PTBP2: variants seen among roughly 807,000 people sequenced by gnomAD.
The protein encoded by PTBP2 is polypyrimidine tract binding protein 2, also known as polypyrimidine tract-binding protein 2.
PTBP2 carries 13 observed loss-of-function variants against 61.4 expected under a neutral mutation model. The ratio of observed to expected loss-of-function variants is 0.21; its 90% confidence interval spans 0.14 to 0.34. The LOEUF is 0.34. PTBP2 is among the 10% of genes least tolerant of loss of function. The pLI is 1.00. For missense variants in PTBP2, 405 were observed against 642.6 expected (o/e 0.63, Z 4.00); for synonymous variants, 215 against 218.5 (o/e 0.98, Z 0.14).
intron 8 of PTBP2, among the ~76,000 whole-genome samples, chr1:96,798,479 C>A (rs188261002): frequency 6.6e-6 from 1 of 152,094 alleles, no homozygotes; most frequent in East Asian, 1.9e-4. Context: ...GTACACAAGA[C>A]TAATAACTAC....
chr1:96,786,034 T>C (rs1036748008), intron 8 of PTBP2, among the ~76,000 whole-genome samples: 3 of 152,198 alleles, frequency 2.0e-5, no homozygotes, highest in Non-Finnish European at 2.9e-5. Context: ...ATTTCTAGTA[T>C]TGGTAAGATT....
chr1:96,751,195 T>G, intron 2 of PTBP2: 1 of 579,608 alleles, frequency 1.7e-6, no homozygotes, highest in East Asian at 3.3e-5. Flanking sequence ...CTTTTTCTAT[T>G]TATTGTCTTT....
intron 8 of PTBP2, among the ~76,000 whole-genome samples, chr1:96,802,659 CT>C (rs2101176774): frequency 6.6e-6 from 1 of 152,146 alleles, no homozygotes; most frequent in African/African-American, 2.4e-5. Flanking sequence ...GAATTTGAGG[CT>C]TGGTACTGAA....
At chr1:96,769,471 TAAG>T (rs1021479123) in intron 3 of PTBP2, among the ~76,000 whole-genome samples, 5 of 152,022 alleles carry the variant, frequency 3.3e-5, no homozygotes, top group Non-Finnish European at 5.9e-5. Context: ...ATAATACTGT[TAAG>T]AAACATTAAC....
chr1:96,817,127 CTG>C (rs1015369565), downstream of PTBP2: 28 of 152,170 alleles, frequency 1.8e-4, no homozygotes, highest in African/African-American at 6.0e-4. Context: ...TAATTATAGA[CTG>C]CACTTAAGAT....
At chr1:96,775,488 G>A (rs908417597) in intron 5 of PTBP2, among the ~76,000 whole-genome samples, 1 of 152,144 alleles carries the variant, frequency 6.6e-6, no homozygotes, top group African/African-American at 2.4e-5. Context: ...CAAAACATGG[G>A]TAGTGTACAT....
At chr1:96,725,363 G>T (rs760202554) in intron 2 of PTBP2, among the ~76,000 whole-genome samples, 6 of 147,764 alleles carry the variant, frequency 4.1e-5, no homozygotes, top group Non-Finnish European at 5.9e-5. Flanking sequence ...GCAGTGGCAC[G>T]ATCCTGGCTC....
At position 96,739,379 on chromosome 1, in the gene PTBP2, G is replaced by A. The variant is rs147716095; in HGVS notation, c.40-12046G>A. Among the ~76,000 whole-genome samples the A allele has an allele frequency of 5.2e-3, 783 of 151,750 alleles. 21 individuals are homozygous for A. The highest frequency in any genetic ancestry group is 0.045 in the Admixed American group (687 of 15,238). On this transcript the variant is annotated intron_variant, in intron 2 of 13. Transcript: ENST00000674951. ...TTAAATTGTTTAATTATTCTTATAC[G>A]TACTTAATAATATTACATTGCAAAA...
At chr1:96,748,309 G>C (rs915591617) in intron 2 of PTBP2, among the ~76,000 whole-genome samples, 1 of 151,998 alleles carries the variant, frequency 6.6e-6, no homozygotes, top group Non-Finnish European at 1.5e-5. Context: ...AGTGATACAT[G>C]GTATTAATAG....
Position 96,813,424 on chromosome 1 carries a change from T to G in PTBP2, c.*19T>G. 6.4e-7 allele frequency: 1 copy of G among 1,566,110 alleles called. No individual in the cohort carries two copies. The highest frequency in any genetic ancestry group is 1.2e-5 in the South Asian group (1 of 84,146). On this transcript the variant is annotated 3_prime_UTR_variant, in exon 14 of 14. Transcript: ENST00000674951. ...AATTTAAAAATGGGAAGATGAAGAT[T>G]GGGGGTGAATCACATTGTTCAATGT...
intron 1 of PTBP2, 24 bp downstream of exon 1, chr1:96,721,896 G>A (rs1557674613): frequency 6.4e-7 from 1 of 1,572,920 alleles, no homozygotes; most frequent in Non-Finnish European, 8.6e-7. Flanking sequence ...CCGGCGAGAA[G>A]GTGTGTGTGA....
chr1:96,789,433 C>T (rs1379967954), intron 8 of PTBP2, among the ~76,000 whole-genome samples: 2 of 152,066 alleles, frequency 1.3e-5, no homozygotes, highest in Non-Finnish European at 2.9e-5. Context: ...GAGTGGGTCA[C>T]AGGCATTCCT....
intron 3 of PTBP2, among the ~76,000 whole-genome samples, chr1:96,764,927 C>G (rs775763296): frequency 1.1e-4 from 16 of 152,168 alleles, no homozygotes; most frequent in South Asian, 2.1e-4. Flanking sequence ...CTTGGAAATA[C>G]AAGAGTTAAT....
chr1:96,768,800 TTAGG>T (rs1338984075), intron 3 of PTBP2, among the ~76,000 whole-genome samples: 12 of 151,970 alleles, frequency 7.9e-5, no homozygotes, highest in Non-Finnish European at 1.8e-4. Context: ...TCACAAAATA[TTAGG>T]TAGTTTAGAC....
rs372049559 is a variant in PTBP2, at chr1:96,764,041, A to G, written c.116-5662A>G. Among the ~76,000 whole-genome samples, 34 of 152,340 alleles carry G rather than the reference A, an allele frequency of 2.2e-4. 1 individual carries two copies. In the South Asian group the frequency reaches 6.6e-3, roughly 30 times the overall value. On this transcript the variant is annotated intron_variant, in intron 3 of 13. Transcript: ENST00000674951. ...GTACAGGATTTCATTTTTATGTTCC[A>G]GCTTCCAGCTTTATCTAAAATATTT...
downstream of PTBP2, chr1:96,817,082 T>C (rs1662515201): frequency 6.6e-6 from 1 of 152,174 alleles, no homozygotes; most frequent in Non-Finnish European, 1.5e-5. Context: ...ATTTTCTGTT[T>C]GAACTTGATA....
rs146467523 is a variant in PTBP2 at position 96,810,505 on chromosome 1, C to G, written c.1172-2207C>G. ...TGGCTAGAACTCTCTTGTTACCTGG[C>G]TACTTCCTGAGGTAGCTGTTTGGTT... On this transcript the variant is annotated intron_variant, in intron 11 of 13. Transcript: ENST00000674951. Among the ~76,000 whole-genome samples, 1,082 of 152,274 alleles carry G rather than the reference C, an allele frequency of 7.1e-3. 10 individuals carry two copies. Among genetic ancestry groups the G allele is most frequent in the Non-Finnish European group, 0.013 (879 of 68,006 alleles).
chr1:96,724,574 A>G (rs1019744446), intron 2 of PTBP2, among the ~76,000 whole-genome samples: 2 of 150,560 alleles, frequency 1.3e-5, no homozygotes, highest in Non-Finnish European at 3.0e-5. Flanking sequence ...CTGTATTGTC[A>G]TTTTTCATTT....
At chr1:96,769,413 T>G (rs185318423) in intron 3 of PTBP2, among the ~76,000 whole-genome samples, 1 of 152,176 alleles carries the variant, frequency 6.6e-6, no homozygotes, top group Non-Finnish European at 1.5e-5. Context: ...GGACAGTTTC[T>G]TTATGAGATT....
Sources: gnomAD v4.1 joint callset for allele counts (sites outside exome capture counted in the v4.1 genomes callset) on GRCh38, gnomAD v4.1.1 for gene constraint, MANE v1.5 for transcripts, NCBI Gene and HGNC (gene_info 2026-07-23, HGNC 2026-07-21) for gene names.